The following SLC6A11 variants were observed in gnomAD, a reference collection of about 807,000 sequenced individuals.
SLC6A11 encodes solute carrier family 6 member 11, also known as sodium- and chloride-dependent GABA transporter 3.
A neutral mutation model predicts 74.8 loss-of-function variants in SLC6A11; 25 were observed. The ratio of observed to expected loss-of-function variants is 0.33; its 90% CI spans 0.24 to 0.47. The LOEUF is 0.47. Ranked by LOEUF, SLC6A11 falls within the 20% of genes least tolerant of loss-of-function variation. SLC6A11 has a pLI of 1.00. For missense variants in SLC6A11, 574 were observed against 837.0 expected, an observed-to-expected ratio of 0.69 and a Z score of 3.88; for synonymous variants, 330 against 330.2, an observed-to-expected ratio of 1.00 and a Z score of 0.01.
intron 5 of SLC6A11, among the ~76,000 whole-genome samples, chr3:10,859,152 G>A (rs1432366067): frequency 6.6e-6 from 1 of 152,258 alleles, no homozygotes; most frequent in African/African-American, 2.4e-5. Flanking sequence ...GGAGGGGGCT[G>A]AGACCAGAAC....
chr3:10,816,537 G>C lies in SLC6A11; in HGVS notation c.256+16G>C. The stretch of plus-strand genomic sequence containing the variant: ...AACGGAGGAGGTGAGGTGATAGTGA[G>C]GAGAAGGGGAGGGGGCGCCAACCGC... On this transcript the variant is annotated intron_variant, in intron 1 of 13. Coordinates refer to ENST00000254488, the MANE Select transcript of SLC6A11 (RefSeq NM_014229.3). This position sits in a 1 kb window ranked among gnomAD's most constrained non-coding sequence, Gnocchi z 4.2. The C allele has an allele frequency of 6.4e-7, 1 of 1,572,218 alleles. No homozygotes were observed. Among genetic ancestry groups the C allele is most frequent in the Non-Finnish European group, 8.6e-7 (1 of 1,159,212 alleles).
Position 10,844,301 on chromosome 3 carries a change from C to T in SLC6A11, c.711C>T (p.Thr237=). ...ELALCLLAAW[T]ICYFCIWKGT... ...CCTTGTGTCTCTTGGCAGCCTGGAC[C>T]ATCTGTTACTTCTGTATCTGGAAGG... Residue 237 remains threonine (T), a synonymous_variant, in exon 5 of 14, where the codon ACC becomes ACT. Coordinates refer to ENST00000254488, the MANE Select transcript of SLC6A11 (RefSeq NM_014229.3). 6.2e-7 allele frequency: 1 copy of T among 1,614,188 alleles called. No individual in the cohort carries two copies. Among genetic ancestry groups the T allele is most frequent in the South Asian group, 1.1e-5 (1 of 91,078 alleles).
rs1420000316 is a variant in SLC6A11 at position 10,939,432 on chromosome 3, C to G, written c.*1030C>G. 1 of 152,374 alleles carries G rather than the reference C, an allele frequency of 6.6e-6. No homozygotes were observed. Among genetic ancestry groups the G allele is most frequent in the Non-Finnish European group, 1.5e-5 (1 of 68,280 alleles). 9.4% of individuals were successfully genotyped at this position (152,374 alleles called of 1,614,324 possible). A position where few individuals can be genotyped will look rare whatever the true frequency, so the allele number is the denominator to read the frequency against. The stretch of plus-strand genomic sequence containing the variant: ...GGGACTGATTTTCTGGGTGGGGAAG[C>G]AGCCATCTATTCTTGCAGCCATCTC... On this transcript the variant is annotated 3_prime_UTR_variant, in exon 14 of 14. Transcript: ENST00000254488.
At chr3:10,932,136 A>G (rs753048228) in intron 10 of SLC6A11, among the ~76,000 whole-genome samples, 1 of 152,100 alleles carries the variant, frequency 6.6e-6, no homozygotes, top group African/African-American at 2.4e-5. Context: ...CGCTCTCCCT[A>G]TATCTGCAGC....
intron 11 of SLC6A11, 143 bp downstream of exon 11, chr3:10,933,396 C>T (rs1695716942): frequency 1.5e-6 from 1 of 651,150 alleles, no homozygotes; most frequent in South Asian, 1.8e-5. Context: ...GATTCCTTGG[C>T]CTTTTCCCAC....
Position 10,918,433 on chromosome 3 carries a change from T to C in SLC6A11, c.1100T>C (p.Ile367Thr). Residue 367 changes from isoleucine to threonine, a missense_variant, in exon 8 of 14, where the codon ATT becomes ACT. This residue lies in a region of SLC6A11 where 16 missense variants were observed against 50.1 expected (regional missense o/e 0.32). Coordinates refer to ENST00000254488, the MANE Select transcript of SLC6A11 (RefSeq NM_014229.3). The surrounding 1 kb of genome is among the most constrained non-coding windows in gnomAD (Gnocchi z 4.5). ...GFMAYEQGVP[I>T]AEVAESGPGL... ...ATGGCGTACGAGCAGGGGGTACCCA[T>C]TGCTGAGGTGGCAGAGTCAGGTAAG... 1 of 1,605,650 alleles carries C rather than the reference T, an allele frequency of 6.2e-7. No homozygotes were observed. The highest frequency in any genetic ancestry group is 1.1e-5 in the South Asian group (1 of 89,804).
chr3:10,853,119 C>T (rs7628928), intron 5 of SLC6A11, among the ~76,000 whole-genome samples: 3 of 152,138 alleles, frequency 2.0e-5, no homozygotes, highest in African/African-American at 4.8e-5. Flanking sequence ...TGTGAAAGAA[C>T]GAGCCCAGGC....
chr3:10,869,318 G>A (rs541954790), intron 5 of SLC6A11, among the ~76,000 whole-genome samples: 9 of 152,334 alleles, frequency 5.9e-5, no homozygotes, highest in Non-Finnish European at 8.8e-5. Context: ...TGGGCAGACA[G>A]TGTGGTTTAT....
chr3:10,850,179 T>C (rs1162826803), intron 5 of SLC6A11, among the ~76,000 whole-genome samples: 4 of 152,146 alleles, frequency 2.6e-5, no homozygotes, highest in Non-Finnish European at 5.9e-5. Context: ...AATATGTAAA[T>C]TGCTATCACC....
chr3:10,833,714 T>TC (rs1258419599), intron 4 of SLC6A11, among the ~76,000 whole-genome samples: 2 of 152,222 alleles, frequency 1.3e-5, no homozygotes, highest in Non-Finnish European at 2.9e-5. Context: ...TCACTGTCCT[T>TC]GTCTGCAAAA....
intron 7 of SLC6A11, among the ~76,000 whole-genome samples, chr3:10,913,053 CTT>C (rs374019258): frequency 1.3e-4 from 18 of 136,116 alleles, no homozygotes; most frequent in Admixed American, 2.9e-4. Context: ...GGAAGGTTGC[CTT>C]TTTTTTTTTT....
intron 5 of SLC6A11, among the ~76,000 whole-genome samples, chr3:10,874,398 G>A (rs1559567446): frequency 6.6e-6 from 1 of 152,168 alleles, no homozygotes; most frequent in East Asian, 1.9e-4. Flanking sequence ...TGAGGCAGGA[G>A]GACAGGCCGT....
intron 6 of SLC6A11, among the ~76,000 whole-genome samples, chr3:10,909,128 A>AAAAAAT: frequency 6.6e-6 from 1 of 150,782 alleles, no homozygotes. Context: ...AAAAAAAAAA[A>AAAAAAT]GTGTCCCATT....
At chr3:10,834,940 G>A (rs1294097385) in intron 4 of SLC6A11, among the ~76,000 whole-genome samples, 2 of 152,146 alleles carry the variant, frequency 1.3e-5, no homozygotes, top group South Asian at 2.1e-4. Context: ...AGCTGAGGTG[G>A]ATGAAATGAC....
intron 6 of SLC6A11, among the ~76,000 whole-genome samples, chr3:10,885,569 C>CT (rs1159317885): frequency 6.8e-6 from 1 of 147,208 alleles, no homozygotes. Flanking sequence ...TGCTAAACAT[C>CT]TTACAATGCA....
intron 4 of SLC6A11, among the ~76,000 whole-genome samples, chr3:10,833,100 C>T (rs959838006): frequency 1.3e-5 from 2 of 152,122 alleles, no homozygotes; most frequent in African/African-American, 4.8e-5. Context: ...TCGCTCTTGT[C>T]GCCCAGGCTG....
chr3:10,845,950 C>G (rs1694497294), intron 5 of SLC6A11, among the ~76,000 whole-genome samples: 1 of 152,206 alleles, frequency 6.6e-6, no homozygotes, highest in African/African-American at 2.4e-5. Flanking sequence ...AGCAAGGATT[C>G]AAACCCCAGG....
chr3:10,852,412 G>A (rs754775988), intron 5 of SLC6A11, among the ~76,000 whole-genome samples: 2 of 152,266 alleles, frequency 1.3e-5, no homozygotes, highest in Non-Finnish European at 2.9e-5. Flanking sequence ...TCTTGATTCA[G>A]CCCTTTCTCT....
chr3:10,934,036 G>GT, intron 11 of SLC6A11, 30 bp from the exon 12 acceptor site: 4 of 1,488,982 alleles, frequency 2.7e-6, no homozygotes, highest in Non-Finnish European at 3.8e-6. Flanking sequence ...TCTGGGGTGT[G>GT]TATGTTCCCC....
Sources: gnomAD v4.1 joint callset for allele counts (sites outside exome capture counted in the v4.1 genomes callset) on GRCh38, gnomAD v4.1.1 for gene constraint, gnomAD v4.1.1 regional missense constraint, Gnocchi (gnomAD v3.1) non-coding constraint, MANE v1.5 for transcripts, NCBI Gene and HGNC (gene_info 2026-07-23, HGNC 2026-07-21) for gene names.